The following DPT variants were observed in gnomAD, a reference collection of about 807,000 sequenced individuals.
DPT encodes the protein dermatopontin.
In DPT, 21 loss-of-function variants were observed where a neutral mutation model predicts 31.2. That is an observed-to-expected ratio of 0.67 (90% CI 0.48 to 0.97). DPT has a LOEUF of 0.97. DPT is among the 50% of genes least tolerant of loss of function. The pLI, the probability that DPT is intolerant of heterozygous loss-of-function variation, is 0.00. For synonymous variants in DPT, 91 were observed against 86.9 expected (o/e 1.05, Z -0.26); for missense variants, 262 against 258.8 (o/e 1.01, Z -0.08).
intron 2 of DPT, among the ~76,000 whole-genome samples, chr1:168,704,566 A>G (rs1649676587): frequency 6.6e-6 from 1 of 151,932 alleles, no homozygotes; most frequent in Non-Finnish European, 1.5e-5. Flanking sequence ...CAACAACAAA[A>G]AAAGCAAAAC....
chr1:168,702,362 T>A (rs530248389), intron 2 of DPT, among the ~76,000 whole-genome samples: 4 of 152,330 alleles, frequency 2.6e-5, no homozygotes, highest in South Asian at 2.1e-4. Flanking sequence ...TGGAGAAAGA[T>A]CAATGGTTAG....
chr1:168,725,308 C>T (rs1181821292), intron 1 of DPT, among the ~76,000 whole-genome samples: 2 of 140,270 alleles, frequency 1.4e-5, no homozygotes, highest in Non-Finnish European at 3.1e-5. Context: ...ATCCTTCCTT[C>T]CTCCCTCCCT....
chr1:168,720,669 C>A (rs1650089088), intron 1 of DPT, among the ~76,000 whole-genome samples: 1 of 152,128 alleles, frequency 6.6e-6, no homozygotes, highest in Admixed American at 6.5e-5. Context: ...AACCCCACTG[C>A]AGAGATGGAC....
At chr1:168,719,970 T>C (rs1207465777) in intron 1 of DPT, among the ~76,000 whole-genome samples, 2 of 152,120 alleles carry the variant, frequency 1.3e-5, no homozygotes, top group Non-Finnish European at 2.9e-5. Context: ...AAGTGGACTT[T>C]CTGAAAATGA....
intron 3 of DPT, among the ~76,000 whole-genome samples, chr1:168,698,622 C>T (rs1649516563): frequency 1.3e-5 from 2 of 152,096 alleles, no homozygotes. Flanking sequence ...CAAGGGAATA[C>T]TTGGCAATGT....
intron 1 of DPT, among the ~76,000 whole-genome samples, chr1:168,720,498 G>T (rs988936280): frequency 6.6e-6 from 1 of 152,104 alleles, no homozygotes; most frequent in Non-Finnish European, 1.5e-5. Context: ...TGTGGTGTGG[G>T]GTTGAGTCAA....
rs1227547634 is a variant in DPT, at chr1:168,696,307, G to C, written c.*242C>G. On this transcript the variant is annotated 3_prime_UTR_variant, in exon 4 of 4. Coordinates refer to ENST00000367817, the MANE Select transcript of DPT (RefSeq NM_001937.5). Reference sequence around the variant, plus strand: ...GTGGTGTGCAAGGAAGCCATCATCAGTCATATAAAGCAGTTGCTATGAAAC... The same window carrying C: ...GTGGTGTGCAAGGAAGCCATCATCACTCATATAAAGCAGTTGCTATGAAAC... 10 of 570,334 alleles carry C rather than the reference G, an allele frequency of 1.8e-5. 1 individual carries two copies. Among genetic ancestry groups the C allele is most frequent in the Non-Finnish European group, 2.8e-5 (9 of 324,578 alleles). 35.3% of individuals were successfully genotyped at this position (570,334 alleles called of 1,614,324 possible).
intron 1 of DPT, among the ~76,000 whole-genome samples, chr1:168,728,594 C>T (rs1650302268): frequency 6.6e-6 from 1 of 152,228 alleles, no homozygotes; most frequent in Non-Finnish European, 1.5e-5. Context: ...ACACCAGCCC[C>T]TGGCCCAAAC....
chr1:168,719,337 T>C (rs1650049148), intron 1 of DPT, among the ~76,000 whole-genome samples: 1 of 152,208 alleles, frequency 6.6e-6, no homozygotes, highest in South Asian at 2.1e-4. Context: ...AAGCTCCTTA[T>C]TTAACAAGAC....
intron 1 of DPT, 52 bp from the exon 2 acceptor site, chr1:168,714,398 C>A (rs376457114): frequency 6.2e-7 from 1 of 1,609,160 alleles, no homozygotes; most frequent in South Asian, 1.1e-5. Context: ...ATACACAGAC[C>A]CCTTCCCAAG....
intron 1 of DPT, among the ~76,000 whole-genome samples, chr1:168,725,153 T>C (rs1650209587): frequency 6.6e-6 from 1 of 150,446 alleles, no homozygotes; most frequent in African/African-American, 2.4e-5. Context: ...GTAACACAAG[T>C]AGCAGCTTGT....
At chr1:168,708,099 G>A (rs375852908) in intron 2 of DPT, among the ~76,000 whole-genome samples, 11 of 152,060 alleles carry the variant, frequency 7.2e-5, no homozygotes, top group African/African-American at 2.2e-4. Context: ...TCTAGATTAC[G>A]TATAATACCT....
chr1:168,697,966 A>G (rs1649500968), intron 3 of DPT, among the ~76,000 whole-genome samples: 3 of 152,336 alleles, frequency 2.0e-5, no homozygotes, highest in Admixed American at 6.5e-5. Context: ...AAGGGCAAAA[A>G]CGAAGAGTTT....
chr1:168,729,097 T>C lies in DPT; in HGVS notation c.78A>G (p.Pro26=), dbSNP rs1053920994. Residue 26 remains proline (P), a synonymous_variant, in exon 1 of 4, where the codon CCA becomes CCG. Coordinates refer to ENST00000367817, the MANE Select transcript of DPT (RefSeq NM_001937.5). ...CGCTGTAGTCATGATACTGCTGGTATGGGTATCCATAATCGCCATACTGGC... is the reference window on the plus strand; with the variant it reads ...CGCTGTAGTCATGATACTGCTGGTACGGGTATCCATAATCGCCATACTGGC... ...AWGQYGDYGY[P]YQQYHDYSDD... 19 of 1,614,190 alleles carry C rather than the reference T, an allele frequency of 1.2e-5. No homozygotes were observed. Among genetic ancestry groups the C allele is most frequent in the Non-Finnish European group, 1.6e-5 (19 of 1,180,036 alleles).
At chr1:168,697,692 C>T (rs879689695) in intron 3 of DPT, among the ~76,000 whole-genome samples, 5 of 152,310 alleles carry the variant, frequency 3.3e-5, no homozygotes, top group Non-Finnish European at 7.3e-5. Flanking sequence ...TAATTGTAGC[C>T]TCTAATATAT....
chr1:168,727,386 A>C (rs1194294657), intron 1 of DPT, among the ~76,000 whole-genome samples: 1 of 152,002 alleles, frequency 6.6e-6, no homozygotes, highest in Non-Finnish European at 1.5e-5. Flanking sequence ...CAGGGTAAGC[A>C]CTCAATAAAT....
chr1:168,701,794 A>AAT (rs1432521326), intron 2 of DPT, among the ~76,000 whole-genome samples: 6 of 152,208 alleles, frequency 3.9e-5, no homozygotes, highest in Non-Finnish European at 8.8e-5. Flanking sequence ...TAGCTGAATA[A>AAT]ATATATGGCC....
intron 1 of DPT, among the ~76,000 whole-genome samples, chr1:168,715,942 C>T (rs910697335): frequency 6.6e-6 from 1 of 152,224 alleles, no homozygotes; most frequent in African/African-American, 2.4e-5. Flanking sequence ...TGGAATGCAA[C>T]CTTGTATTTC....
intron 1 of DPT, among the ~76,000 whole-genome samples, chr1:168,720,175 T>C (rs772574980): frequency 1.4e-4 from 22 of 152,126 alleles, no homozygotes; most frequent in Non-Finnish European, 4.4e-5. Context: ...GAGTCAGTGA[T>C]AATGCCTACA....
Sources: gnomAD v4.1 joint callset for allele counts (sites outside exome capture counted in the v4.1 genomes callset) on GRCh38, gnomAD v4.1.1 for gene constraint, MANE v1.5 for transcripts, NCBI Gene and HGNC (gene_info 2026-07-23, HGNC 2026-07-21) for gene names.